PCDH15: variants seen among roughly 807,000 people sequenced by gnomAD.
PCDH15 encodes protocadherin-15.
A neutral mutation model predicts 178.5 loss-of-function variants in PCDH15; 129 were observed. The observed-to-expected ratio is 0.72, with a 90% CI of 0.63 to 0.84. The LOEUF (loss-of-function observed/expected upper bound fraction) is 0.84, where lower values mean the gene tolerates loss of function less well. Among genes scored for constraint, PCDH15 ranks in the 40% least tolerant of loss-of-function variants. The pLI, the probability that PCDH15 is intolerant of heterozygous loss-of-function variation, is 0.00. For missense variants in PCDH15, 2,230 were observed against 2,099.9 expected, an observed-to-expected ratio of 1.06 and a Z score of -1.21; for synonymous variants, 800 against 732.0, an observed-to-expected ratio of 1.09 and a Z score of -1.50.
chr10:55,404,260 C>A lies in PCDH15; in HGVS notation c.-156+223365G>T, dbSNP rs76836634. 7.9e-3 allele frequency among the ~76,000 whole-genome samples: 1,199 copies of A among 152,006 alleles called. 14 individuals are homozygous for A. The highest frequency in any genetic ancestry group is 0.026 in the African/African-American group (1,077 of 41,492). On this transcript the variant is annotated intron_variant, in intron 2 of 5. Transcript: ENST00000613346. Reference sequence around the variant, plus strand: ...CAGACGCCAACATTATTAACCAAACCAGCATAGCAACCCATGATGGTAAAG... The same window carrying A: ...CAGACGCCAACATTATTAACCAAACAAGCATAGCAACCCATGATGGTAAAG...
chr10:54,490,485 T>A (rs931706478), intron 3 of PCDH15, among the ~76,000 whole-genome samples: 18 of 151,510 alleles, frequency 1.2e-4, no homozygotes, highest in African/African-American at 4.1e-4. Flanking sequence ...AACTAATAAA[T>A]AAATAAATAA....
chr10:54,275,416 G>A lies in PCDH15; in HGVS notation c.877-38485C>T, dbSNP rs2058295729. Reference sequence around the variant, plus strand: ...TTGCCTAAGGTAAAAGTTAAAAGGCGGCAGATGTAGAATTCATTCACAACA... The same window carrying A: ...TTGCCTAAGGTAAAAGTTAAAAGGCAGCAGATGTAGAATTCATTCACAACA... On this transcript the variant is annotated intron_variant, in intron 8 of 37. Coordinates refer to ENST00000644397, the MANE Select transcript of PCDH15 (RefSeq NM_001384140.1). Among the ~76,000 whole-genome samples the A allele has an allele frequency of 2.0e-5, 3 of 151,788 alleles. No individual in the cohort carries two copies. The South Asian group carries it at 6.2e-4, about 31-fold the overall frequency.
At chr10:54,159,567 C>T (rs2045505660) in intron 13 of PCDH15, among the ~76,000 whole-genome samples, 1 of 152,038 alleles carries the variant, frequency 6.6e-6, no homozygotes, top group East Asian at 1.9e-4. Context: ...CGTAAGAACC[C>T]TAAATATATA....
intron 2 of PCDH15, among the ~76,000 whole-genome samples, chr10:55,583,524 C>T (rs957657634): frequency 1.3e-5 from 2 of 152,134 alleles, no homozygotes; most frequent in African/African-American, 4.8e-5. Flanking sequence ...ACCTCTGCCT[C>T]CCAGGTTCAA....
At chr10:54,027,213 C>T (rs1182966248) in intron 18 of PCDH15, among the ~76,000 whole-genome samples, 2 of 148,590 alleles carry the variant, frequency 1.3e-5, no homozygotes, top group African/African-American at 2.6e-5. Flanking sequence ...GGATAAAATA[C>T]CTAGGAATCC....
intron 2 of PCDH15, among the ~76,000 whole-genome samples, chr10:54,540,123 C>A (rs2085042931): frequency 6.6e-6 from 1 of 151,994 alleles, no homozygotes; most frequent in Non-Finnish European, 1.5e-5. Flanking sequence ...AACTCAAAAG[C>A]TACCTGAAGA....
chr10:54,462,792 A>G (rs1427936147), intron 3 of PCDH15, among the ~76,000 whole-genome samples: 3 of 146,730 alleles, frequency 2.0e-5, no homozygotes, highest in Non-Finnish European at 1.5e-5. Flanking sequence ...GGCCTCCCAA[A>G]GTGCTGGGAT....
intron 3 of PCDH15, among the ~76,000 whole-genome samples, chr10:54,380,379 C>T (rs1029368044): frequency 6.6e-5 from 10 of 151,450 alleles, no homozygotes; most frequent in Non-Finnish European, 1.5e-5. Flanking sequence ...ATATTGATGG[C>T]ATTTTATTGC....
At chr10:54,342,991 T>C (rs563849215) in intron 6 of PCDH15, among the ~76,000 whole-genome samples, 6 of 152,214 alleles carry the variant, frequency 3.9e-5, no homozygotes, top group Non-Finnish European at 8.8e-5. Context: ...TTTTTGATTT[T>C]ATAGGCTTAT....
In PCDH15 at chr10:53,903,387, G is replaced by A. The variant is rs775212240; in HGVS notation, c.3374-17C>T. The A allele has an allele frequency of 9.9e-6, 16 of 1,610,978 alleles. No individual in the cohort carries two copies. Among genetic ancestry groups the A allele is most frequent in the East Asian group, 6.7e-5 (3 of 44,748 alleles). ...CTGTATTGCCTGGAGGACAAGAAAC[G>A]ATGCATTTTTTATTGGTGGTTATTC... On this transcript the variant is annotated splice_polypyrimidine_tract_variant and intron_variant, in intron 25 of 37. Transcript: ENST00000644397.
intron 2 of PCDH15, among the ~76,000 whole-genome samples, chr10:55,621,121 C>A (rs1474821455): frequency 6.6e-6 from 1 of 151,890 alleles, no homozygotes; most frequent in Non-Finnish European, 1.5e-5. Flanking sequence ...AATTTTTACT[C>A]TCCTAAGCAT....
chr10:54,992,335 A>G (rs1168930530), intron 2 of PCDH15, among the ~76,000 whole-genome samples: 1 of 152,210 alleles, frequency 6.6e-6, no homozygotes, highest in East Asian at 1.9e-4. Flanking sequence ...AGCTGAGGCA[A>G]TAACTTCGTA....
intron 1 of PCDH15, among the ~76,000 whole-genome samples, chr10:55,254,519 A>T (rs1221231774): frequency 6.6e-6 from 1 of 152,174 alleles, no homozygotes; most frequent in African/African-American, 2.4e-5. Context: ...GACCAAAGCA[A>T]AAGAGGATTC....
At chr10:54,408,709 C>T (rs537070819) in intron 3 of PCDH15, among the ~76,000 whole-genome samples, 1 of 152,186 alleles carries the variant, frequency 6.6e-6, no homozygotes, top group Admixed American at 6.5e-5. Flanking sequence ...ATTGGGGTTA[C>T]TCTGACAAGA....
intron 1 of PCDH15, 32 bp from the exon 2 acceptor site, chr10:54,664,322 G>C (rs1277167047): frequency 9.7e-6 from 13 of 1,346,756 alleles, no homozygotes; most frequent in Non-Finnish European, 1.4e-5. Flanking sequence ...AGAAACATTT[G>C]ACATGTTCAT....
At chr10:54,336,548 G>T (rs1358532580) in intron 6 of PCDH15, among the ~76,000 whole-genome samples, 1 of 152,172 alleles carries the variant, frequency 6.6e-6, no homozygotes, top group East Asian at 1.9e-4. Flanking sequence ...TTCAGAAGGT[G>T]CAAGCCCCAA....
intron 21 of PCDH15, among the ~76,000 whole-genome samples, chr10:53,967,044 C>A (rs2134375843): frequency 6.6e-6 from 1 of 152,210 alleles, no homozygotes; most frequent in Non-Finnish European, 1.5e-5. Flanking sequence ...GCTTTGTCTC[C>A]ACCCAAATTT....
At chr10:54,622,623 AT>A (rs1279567539) in intron 2 of PCDH15, among the ~76,000 whole-genome samples, 594 of 43,328 alleles carry the variant, frequency 0.014, 24 homozygotes, top group African/African-American at 0.051. Flanking sequence ...TATATAATAT[AT>A]ATAATATATA....
intron 3 of PCDH15, among the ~76,000 whole-genome samples, chr10:54,888,100 T>C (rs1954392383): frequency 6.6e-6 from 1 of 152,140 alleles, no homozygotes; most frequent in South Asian, 2.1e-4. Context: ...TTAACGTATG[T>C]AAACATGAAA....
Sources: allele counts gnomAD v4.1 joint callset (sites outside exome capture counted in the v4.1 genomes callset), GRCh38; gene constraint gnomAD v4.1.1; transcripts MANE v1.5; gene names NCBI Gene and HGNC (gene_info 2026-07-23, HGNC 2026-07-21).